L3MBTL4: variants seen among roughly 807,000 people sequenced by gnomAD.
The protein encoded by L3MBTL4 is lethal(3)malignant brain tumor-like protein 4.
A neutral mutation model predicts 84.5 loss-of-function variants in L3MBTL4; 70 were observed. The observed-to-expected ratio is 0.83, with a 90% CI of 0.68 to 1.01. L3MBTL4 has a LOEUF of 1.01. L3MBTL4 is among the 50% of genes least tolerant of loss of function. The pLI, the probability that L3MBTL4 is intolerant of heterozygous loss-of-function variation, is 0.00. For missense variants in L3MBTL4, 715 were observed against 754.8 expected, an observed-to-expected ratio of 0.95 and a Z score of 0.62; for synonymous variants, 274 against 259.8, an observed-to-expected ratio of 1.05 and a Z score of -0.52.
intron 10 of L3MBTL4, among the ~76,000 whole-genome samples, chr18:6,231,599 C>T (rs1042151705): frequency 1.3e-5 from 2 of 152,098 alleles, no homozygotes; most frequent in African/African-American, 4.8e-5. Flanking sequence ...ATGTTGTATA[C>T]TTTTCAGTGT....
chr18:6,012,347 A>G (rs1005023566), intron 16 of L3MBTL4, among the ~76,000 whole-genome samples: 2 of 152,230 alleles, frequency 1.3e-5, no homozygotes, highest in African/African-American at 4.8e-5. Context: ...TCTCTTAGGA[A>G]ACAAGCAAAT....
At chr18:6,374,413 T>C (rs1023838136) in intron 1 of L3MBTL4, 3 of 154,824 alleles carry the variant, frequency 1.9e-5, no homozygotes, top group Admixed American at 6.5e-5. Context: ...TCCCTGGCAA[T>C]GTCTCGCCTT....
intron 15 of L3MBTL4, among the ~76,000 whole-genome samples, chr18:6,084,338 C>A (rs1034611948): frequency 7.2e-5 from 11 of 152,066 alleles, no homozygotes; most frequent in Non-Finnish European, 1.5e-4. Context: ...GTAGCAGAGA[C>A]CTTTATAGCT....
intron 17 of L3MBTL4, among the ~76,000 whole-genome samples, chr18:5,966,703 G>T (rs547878489): frequency 6.6e-6 from 1 of 152,070 alleles, no homozygotes; most frequent in African/African-American, 2.4e-5. Flanking sequence ...CAGTCATCAC[G>T]TTATCCTCCT....
intron 14 of L3MBTL4, among the ~76,000 whole-genome samples, chr18:6,111,403 AATT>A (rs1031508996): frequency 3.3e-5 from 5 of 152,174 alleles, no homozygotes; most frequent in African/African-American, 9.7e-5. Context: ...TTTTTAAAAC[AATT>A]ATTATTATTT....
At chr18:6,321,500 A>G (rs1011501465) in intron 1 of L3MBTL4, among the ~76,000 whole-genome samples, 5 of 152,192 alleles carry the variant, frequency 3.3e-5, no homozygotes, top group African/African-American at 1.2e-4. Flanking sequence ...GGAAAACACT[A>G]TGGAGAGTTC....
At chr18:6,084,362 A>G (rs2058186524) in intron 15 of L3MBTL4, among the ~76,000 whole-genome samples, 1 of 152,120 alleles carries the variant, frequency 6.6e-6, no homozygotes, top group Non-Finnish European at 1.5e-5. Context: ...CACACCTAAA[A>G]TATTTACCAT....
At chr18:6,389,321 A>G (rs991511584) in intron 1 of L3MBTL4, among the ~76,000 whole-genome samples, 1 of 152,106 alleles carries the variant, frequency 6.6e-6, no homozygotes, top group Non-Finnish European at 1.5e-5. Flanking sequence ...CAAAAGCTCA[A>G]TCTACACCAG....
chr18:6,198,222 G>A (rs2045494049), intron 12 of L3MBTL4, among the ~76,000 whole-genome samples: 1 of 152,026 alleles, frequency 6.6e-6, no homozygotes, highest in Non-Finnish European at 1.5e-5. Flanking sequence ...CTTATCTCAG[G>A]GTTGCAACCA....
chr18:6,172,470 A>C (rs1599005590), intron 12 of L3MBTL4, among the ~76,000 whole-genome samples: 1 of 152,166 alleles, frequency 6.6e-6, no homozygotes, highest in Admixed American at 6.5e-5. Flanking sequence ...AAAATATGCT[A>C]GGGGGTAGGT....
intron 5 of L3MBTL4, among the ~76,000 whole-genome samples, chr18:6,249,738 T>C (rs2047841406): frequency 6.6e-6 from 1 of 152,230 alleles, no homozygotes; most frequent in Admixed American, 6.5e-5. Flanking sequence ...ATATAATTGA[T>C]ACTGTGCTTA....
At chr18:6,045,520 G>A (rs776027457) in intron 16 of L3MBTL4, among the ~76,000 whole-genome samples, 11 of 152,180 alleles carry the variant, frequency 7.2e-5, no homozygotes, top group Non-Finnish European at 1.6e-4. Flanking sequence ...GCAAGGAGGA[G>A]CAAGTCACAT....
intron 4 of L3MBTL4, among the ~76,000 whole-genome samples, chr18:6,286,269 G>A (rs2049583109): frequency 6.6e-6 from 1 of 151,856 alleles, no homozygotes; most frequent in Non-Finnish European, 1.5e-5. Context: ...TTTGAGATCA[G>A]CACTGCCAAT....
At chr18:6,171,996 C>A in intron 12 of L3MBTL4, 54 bp from the exon 13 acceptor site, 1 of 836,406 alleles carries the variant, frequency 1.2e-6, no homozygotes. Flanking sequence ...TTTCACTATT[C>A]CTGTATCAAA....
In L3MBTL4 at chr18:6,198,064, C is replaced by T. The variant is rs569807002; in HGVS notation, c.981+15085G>A. ...CTTGATGCCACTGTGATTGCCTAAG[C>T]TAATCTAAATATTGCTTTCATCTTT... is the stretch of plus-strand genomic sequence containing the variant. On this transcript the variant is annotated intron_variant, in intron 12 of 18. Transcript: ENST00000317931. Among the ~76,000 whole-genome samples the T allele has an allele frequency of 1.6e-4, 25 of 152,270 alleles. No individual in the cohort carries two copies. In the East Asian group the frequency reaches 4.4e-3, roughly 27 times the overall value.
intron 16 of L3MBTL4, among the ~76,000 whole-genome samples, chr18:6,068,407 G>A (rs1369341518): frequency 6.6e-6 from 1 of 152,158 alleles, no homozygotes; most frequent in Non-Finnish European, 1.5e-5. Context: ...AATTAAATGT[G>A]CTGAGGTTTT....
chr18:6,163,922 C>T lies in L3MBTL4; in HGVS notation c.1096+7906G>A, dbSNP rs556671095. ...GAAGCACAAGGGGTCAGGGAATTCC[C>T]TTTCCTAGTCAAAGAAAAGGGTGAC... On this transcript the variant is annotated intron_variant, in intron 13 of 18. Coordinates refer to ENST00000317931, the MANE Select transcript of L3MBTL4 (RefSeq NM_001330559.2). Among the ~76,000 whole-genome samples, 9 of 152,298 alleles carry T rather than the reference C, an allele frequency of 5.9e-5. No individual in the cohort carries two copies. In the South Asian group the frequency reaches 1.9e-3, roughly 32 times the overall value.
intron 3 of L3MBTL4, among the ~76,000 whole-genome samples, chr18:6,302,950 C>T (rs533382002): frequency 6.6e-6 from 1 of 151,946 alleles, no homozygotes; most frequent in Non-Finnish European, 1.5e-5. Flanking sequence ...AAGATTGTGC[C>T]TCTGCACTCC....
chr18:6,171,105 T>A (rs1399627314), intron 13 of L3MBTL4, among the ~76,000 whole-genome samples: 2 of 152,204 alleles, frequency 1.3e-5, no homozygotes, highest in Non-Finnish European at 1.5e-5. Context: ...CCATGTAAGA[T>A]ATCCTCATTA....
Sources: allele counts gnomAD v4.1 joint callset (sites outside exome capture counted in the v4.1 genomes callset), GRCh38; gene constraint gnomAD v4.1.1; transcripts MANE v1.5; gene names NCBI Gene and HGNC (gene_info 2026-07-23, HGNC 2026-07-21).